The following PAPPA variants were observed in gnomAD, a reference collection of about 807,000 sequenced individuals.
The protein encoded by PAPPA is pappalysin 1.
PAPPA carries 60 observed loss-of-function variants against 164.0 expected under a neutral mutation model. The ratio of observed to expected loss-of-function variants is 0.37; its 90% CI spans 0.30 to 0.45. The LOEUF is 0.45. PAPPA is among the 20% of genes least tolerant of loss of function. The pLI, the probability that PAPPA is intolerant of heterozygous loss-of-function variation, is 1.00. For missense variants in PAPPA, 1,782 were observed against 2,087.3 expected (o/e 0.85, Z 2.85); for synonymous variants, 875 against 814.1 (o/e 1.07, Z -1.27).
At chr9:116,237,833 C>CCTCA (rs1371695893) in intron 7 of PAPPA, among the ~76,000 whole-genome samples, 1 of 152,032 alleles carries the variant, frequency 6.6e-6, no homozygotes, top group African/African-American at 2.4e-5. Context: ...AATTCTCCTG[C>CCTCA]CTCAGCCTCC....
intron 19 of PAPPA, among the ~76,000 whole-genome samples, chr9:116,370,801 T>C (rs1347477082): frequency 2.0e-5 from 3 of 152,218 alleles, no homozygotes; most frequent in East Asian, 1.9e-4. Context: ...CAGGTCATGA[T>C]GTGGACACCA....
At chr9:116,190,289 T>A (rs536170887) in intron 2 of PAPPA, among the ~76,000 whole-genome samples, 7 of 152,312 alleles carry the variant, frequency 4.6e-5, no homozygotes, top group African/African-American at 1.4e-4. Context: ...AGGATGGGCA[T>A]AATTGGAAGT....
intron 10 of PAPPA, among the ~76,000 whole-genome samples, chr9:116,306,233 G>A (rs778141038): frequency 2.6e-5 from 4 of 152,208 alleles, no homozygotes; most frequent in Non-Finnish European, 5.9e-5. Flanking sequence ...CTGTACAAGA[G>A]TTAGGAGTGA....
chr9:116,344,231 T>C (rs757135922), intron 13 of PAPPA, among the ~76,000 whole-genome samples: 1 of 152,204 alleles, frequency 6.6e-6, no homozygotes. Flanking sequence ...AAATATTCAC[T>C]GTAATCATGA....
chr9:116,267,139 G>C (rs1265443210), intron 8 of PAPPA, among the ~76,000 whole-genome samples: 1 of 152,200 alleles, frequency 6.6e-6, no homozygotes, highest in Non-Finnish European at 1.5e-5. Flanking sequence ...CGTAGGAGTA[G>C]TACATATATG....
chr9:116,328,848 G>A (rs151038195), intron 10 of PAPPA, among the ~76,000 whole-genome samples: 221 of 152,080 alleles, frequency 1.5e-3, no homozygotes, highest in Non-Finnish European at 2.4e-3. Context: ...GTAAACTAAG[G>A]GCCAAAAGAC....
intron 2 of PAPPA, among the ~76,000 whole-genome samples, chr9:116,203,082 G>A (rs372491315): frequency 1.1e-4 from 17 of 152,182 alleles, no homozygotes; most frequent in African/African-American, 3.9e-4. Context: ...GTGTCCAGCT[G>A]AGGGAGAGAA....
intron 1 of PAPPA, among the ~76,000 whole-genome samples, chr9:116,182,024 T>C (rs139969719): frequency 1.3e-5 from 2 of 152,316 alleles, no homozygotes; most frequent in South Asian, 2.1e-4. Flanking sequence ...AACAAAACAT[T>C]TGGCCTTTGG....
chr9:116,265,827 G>A, intron 7 of PAPPA, 30 bp from the exon 8 acceptor site: 1 of 1,564,396 alleles, frequency 6.4e-7, no homozygotes, highest in Non-Finnish European at 8.8e-7. Flanking sequence ...TATTGTAATT[G>A]TATAATTATG....
At chr9:116,395,816 G>A (rs984362451) in intron 21 of PAPPA, among the ~76,000 whole-genome samples, 2 of 152,166 alleles carry the variant, frequency 1.3e-5, no homozygotes, top group South Asian at 4.1e-4. Flanking sequence ...CCAGAAGGTG[G>A]TCTAGCTTCC....
chr9:116,320,853 T>A (rs1455725672), intron 10 of PAPPA, among the ~76,000 whole-genome samples: 1 of 152,106 alleles, frequency 6.6e-6, no homozygotes, highest in Admixed American at 6.6e-5. Context: ...ATTAGAGGCA[T>A]AAGAGGGAAG....
At chr9:116,302,684 G>C in intron 9 of PAPPA, 73 bp from the exon 10 acceptor site, 1 of 1,265,772 alleles carries the variant, frequency 7.9e-7, no homozygotes, top group Non-Finnish European at 1.1e-6. Flanking sequence ...TGACTCTGCA[G>C]CTGCTGATGA....
rs926501371 is a variant in PAPPA at position 116,399,088 on chromosome 9, C to T, written c.*2472C>T. On this transcript the variant is annotated 3_prime_UTR_variant, in exon 22 of 22. Transcript: ENST00000328252. ...TTACTAATGATGTGATTTCAGGAGC[C>T]ACAGAAGAACCTTACCAGCTTCCCT... The T allele has an allele frequency of 1.2e-5, 2 of 167,348 alleles. No individual in the cohort carries two copies. Among genetic ancestry groups the T allele is most frequent in the African/African-American group, 4.8e-5 (2 of 41,540 alleles). The allele number at this position is 167,348 out of a possible 1,614,324, so 10.4% of individuals were successfully genotyped here.
intron 10 of PAPPA, among the ~76,000 whole-genome samples, chr9:116,323,603 AC>A: frequency 6.6e-6 from 1 of 152,312 alleles, no homozygotes; most frequent in South Asian, 2.1e-4. Flanking sequence ...GCTGCAGTAA[AC>A]TTTTATGTTA....
intron 8 of PAPPA, among the ~76,000 whole-genome samples, chr9:116,270,845 TGA>T (rs2118824823): frequency 7.1e-6 from 1 of 140,676 alleles, no homozygotes; most frequent in East Asian, 2.1e-4. Context: ...AATGCATGAA[TGA>T]AAAAAAAAAA....
At position 116,347,367 on chromosome 9, in the gene PAPPA, C is replaced by T. The variant is rs1253027970; in HGVS notation, c.3964+158C>T. ...ACTAATTGTATTTATGTAAACTGCCCTGCTATGCAGATAAGAAAGAAAAAA... is the reference window on the plus strand; with the variant it reads ...ACTAATTGTATTTATGTAAACTGCCTTGCTATGCAGATAAGAAAGAAAAAA... On this transcript the variant is annotated intron_variant, in intron 15 of 21. Coordinates refer to ENST00000328252, the MANE Select transcript of PAPPA (RefSeq NM_002581.5). This position sits in a 1 kb window ranked among gnomAD's most constrained non-coding sequence, Gnocchi z 4.5. 6.6e-6 allele frequency among the ~76,000 whole-genome samples: 1 copy of T among 152,094 alleles called. No homozygotes were observed. The highest frequency in any genetic ancestry group is 2.4e-5 in the African/African-American group (1 of 41,386).
chr9:116,362,153 T>G (rs1400974593), intron 17 of PAPPA, among the ~76,000 whole-genome samples: 2 of 152,170 alleles, frequency 1.3e-5, no homozygotes, highest in Non-Finnish European at 2.9e-5. Flanking sequence ...CATAGGATAC[T>G]TTCTCACTAT....
Position 116,247,259 on chromosome 9 carries a change from G to T in PAPPA, c.2732+11622G>T, listed in dbSNP as rs1292859992. 2.0e-5 allele frequency among the ~76,000 whole-genome samples: 3 copies of T among 152,202 alleles called. No individual in the cohort carries two copies. The South Asian group carries it at 6.2e-4, about 31-fold the overall frequency. On this transcript the variant is annotated intron_variant, in intron 7 of 21. Transcript: ENST00000328252. ...GAGGGAAAAAGAGGTCTGTGTGTAT[G>T]CAAGGAATGCTAGTTTCAACTCTAT...
chr9:116,396,595 C>T lies in PAPPA; in HGVS notation c.4863C>T (p.Leu1621=), dbSNP rs145760251. 4 of 780,714 alleles carry T rather than the reference C, an allele frequency of 5.1e-6. No homozygotes were observed. In the African/African-American group the frequency reaches 6.8e-5, roughly 13 times the overall value. 48.4% of individuals were successfully genotyped at this position (780,714 alleles called of 1,614,324 possible). A position where few individuals can be genotyped will look rare whatever the true frequency, so the allele number is the denominator to read the frequency against. The change falls in exon 22 of 22, where the codon CTC becomes CTT. Residue 1621 remains leucine (L), a synonymous_variant. Coordinates refer to ENST00000328252, the MANE Select transcript of PAPPA (RefSeq NM_002581.5). ...PQAQEHSRKD[L]RGYSHG is the part of the protein sequence containing the mutation. ...CCCAAGAACACAGCCGGAAAGACCTCCGGGGATACAGCCATGGCTAAGGAA... is the reference window on the plus strand; with the variant it reads ...CCCAAGAACACAGCCGGAAAGACCTTCGGGGATACAGCCATGGCTAAGGAA...
Sources: allele counts gnomAD v4.1 joint callset (sites outside exome capture counted in the v4.1 genomes callset), GRCh38; gene constraint gnomAD v4.1.1; non-coding constraint Gnocchi (gnomAD v3.1); transcripts MANE v1.5; gene names NCBI Gene and HGNC (gene_info 2026-07-23, HGNC 2026-07-21).